PAN3: variants seen among roughly 807,000 people sequenced by gnomAD.
PAN3 encodes PAN2-PAN3 deadenylation complex subunit PAN3.
PAN3 carries 19 observed loss-of-function variants against 96.2 expected under a neutral mutation model. The observed-to-expected ratio is 0.20, with a 90% CI of 0.14 to 0.29. The LOEUF (loss-of-function observed/expected upper bound fraction) is 0.29. PAN3 is among the 10% of genes least tolerant of loss of function. The pLI, the probability that PAN3 is intolerant of heterozygous loss-of-function variation, is 1.00. For missense variants in PAN3, 882 were observed against 1,108.1 expected (o/e 0.80, Z 2.90); for synonymous variants, 433 against 406.6 (o/e 1.06, Z -0.78).
intron 6 of PAN3, among the ~76,000 whole-genome samples, chr13:28,253,672 C>T (rs1276161547): frequency 2.0e-5 from 3 of 150,268 alleles, no homozygotes; most frequent in African/African-American, 5.0e-5. Context: ...TGTTCATGGG[C>T]GCTTTGTGGC....
intron 1 of PAN3, among the ~76,000 whole-genome samples, chr13:28,141,003 C>CTTTTTTTT (rs979248659): frequency 0.016 from 1,806 of 112,690 alleles, 168 homozygotes; most frequent in African/African-American, 0.06. Flanking sequence ...GAAAGAGACA[C>CTTTTTTTT]TTTTTTTTTT....
intron 7 of PAN3, among the ~76,000 whole-genome samples, chr13:28,260,023 A>G (rs906201878): frequency 2.0e-5 from 3 of 152,324 alleles, no homozygotes; most frequent in East Asian, 1.9e-4. Flanking sequence ...TTATTTAAAG[A>G]TTTAAAATGT....
At chr13:28,165,154 C>G (rs1873372956) in intron 1 of PAN3, among the ~76,000 whole-genome samples, 1 of 152,206 alleles carries the variant, frequency 6.6e-6, no homozygotes, top group Admixed American at 6.5e-5. Context: ...GATCCTCCTG[C>G]CTTGGCCTCC....
chr13:28,266,962 T>TTCAA, intron 10 of PAN3, 86 bp downstream of exon 10: 1 of 1,290,578 alleles, frequency 7.7e-7, no homozygotes, highest in Non-Finnish European at 1.0e-6. Context: ...ATTTAATATA[T>TTCAA]GAATTAAAAA....
intron 6 of PAN3, among the ~76,000 whole-genome samples, chr13:28,233,673 G>C (rs940022456): frequency 1.3e-5 from 2 of 152,080 alleles, no homozygotes; most frequent in African/African-American, 4.8e-5. Flanking sequence ...TTTTGTGTTT[G>C]AACATTTATT....
At chr13:28,288,958 CTGGGA>C (rs1263676252) in intron 18 of PAN3, among the ~76,000 whole-genome samples, 1 of 151,226 alleles carries the variant, frequency 6.6e-6, no homozygotes. Context: ...TCCCAAGTAG[CTGGGA>C]CTACAGGCAC....
intron 4 of PAN3, among the ~76,000 whole-genome samples, chr13:28,196,343 G>A (rs567186811): frequency 3.9e-5 from 6 of 152,182 alleles, no homozygotes; most frequent in African/African-American, 1.4e-4. Flanking sequence ...ATGCAGTCTA[G>A]TGCAAATTTG....
intron 6 of PAN3, among the ~76,000 whole-genome samples, 190 bp downstream of exon 6, chr13:28,220,568 A>C (rs1404680483): frequency 6.6e-6 from 1 of 152,196 alleles, no homozygotes; most frequent in Non-Finnish European, 1.5e-5. Context: ...TTTAAATATG[A>C]ATGAAATTAC....
At chr13:28,192,358 G>A (rs896370632) in intron 4 of PAN3, among the ~76,000 whole-genome samples, 3 of 152,134 alleles carry the variant, frequency 2.0e-5, no homozygotes, top group East Asian at 3.9e-4. Context: ...GTGAGCCACC[G>A]TGCCTGGCCA....
intron 5 of PAN3, among the ~76,000 whole-genome samples, chr13:28,204,130 T>C (rs1879082011): frequency 6.6e-6 from 1 of 152,182 alleles, no homozygotes; most frequent in Admixed American, 6.5e-5. Flanking sequence ...TTTATATTTT[T>C]TTCATCATCT....
chr13:28,215,589 C>G, intron 5 of PAN3: 1 of 819,030 alleles, frequency 1.2e-6, no homozygotes, highest in Non-Finnish European at 2.0e-6. Context: ...TGCCCTTGTA[C>G]TGAATTGCCA....
intron 6 of PAN3, among the ~76,000 whole-genome samples, 179 bp from the exon 7 acceptor site, chr13:28,256,113 A>G (rs1248579230): frequency 6.6e-6 from 1 of 152,168 alleles, no homozygotes; most frequent in Non-Finnish European, 1.5e-5. Flanking sequence ...GAAACTTTAC[A>G]TTTGCTTTAA....
intron 5 of PAN3, among the ~76,000 whole-genome samples, chr13:28,200,410 T>G (rs1878557055): frequency 1.3e-5 from 2 of 152,210 alleles, no homozygotes; most frequent in South Asian, 4.1e-4. Flanking sequence ...TTTCTACTTC[T>G]GAAAACAAAG....
chr13:28,291,787 C>T lies in PAN3; in HGVS notation c.2524-595C>T, dbSNP rs1869781862. On this transcript the variant is annotated intron_variant, in intron 18 of 18. Coordinates refer to ENST00000380958, the MANE Select transcript of PAN3 (RefSeq NM_175854.8). ...CAGAGGTTGCAGTGAGCCAAGATTG[C>T]GCCATTGCACTCCACCCTGGGCAAC... 2.6e-5 allele frequency among the ~76,000 whole-genome samples: 4 copies of T among 152,082 alleles called. No individual in the cohort carries two copies. In the South Asian group the frequency reaches 8.3e-4, roughly 32 times the overall value.
At chr13:28,211,272 T>C (rs1002894931) in intron 5 of PAN3, among the ~76,000 whole-genome samples, 59 of 152,168 alleles carry the variant, frequency 3.9e-4, no homozygotes, top group Non-Finnish European at 1.5e-4. Flanking sequence ...CTGTCTTTCT[T>C]TCTCATTATT....
chr13:28,148,567 A>G (rs1870970478), intron 1 of PAN3, among the ~76,000 whole-genome samples: 1 of 152,248 alleles, frequency 6.6e-6, no homozygotes, highest in Non-Finnish European at 1.5e-5. Flanking sequence ...AAAAGAGTAC[A>G]TAGTGAAAAA....
intron 15 of PAN3, among the ~76,000 whole-genome samples, chr13:28,279,914 C>T (rs898860572): frequency 6.6e-6 from 1 of 151,784 alleles, no homozygotes; most frequent in Non-Finnish European, 1.5e-5. Flanking sequence ...ATTCTCCTGC[C>T]TCAGCCTCCT....
At chr13:28,234,349 G>GT (rs1346045937) in intron 6 of PAN3, among the ~76,000 whole-genome samples, 1 of 152,014 alleles carries the variant, frequency 6.6e-6, no homozygotes, top group African/African-American at 2.4e-5. Flanking sequence ...GCCTCCATAT[G>GT]TTAATAATTA....
intron 15 of PAN3, among the ~76,000 whole-genome samples, chr13:28,278,265 G>A (rs1331443835): frequency 6.6e-6 from 1 of 152,222 alleles, no homozygotes; most frequent in African/African-American, 2.4e-5. Context: ...TCCTACTTGT[G>A]ACAGCACTAG....
Sources: gnomAD v4.1 joint callset for allele counts (sites outside exome capture counted in the v4.1 genomes callset) on GRCh38, gnomAD v4.1.1 for gene constraint, MANE v1.5 for transcripts, NCBI Gene and HGNC (gene_info 2026-07-23, HGNC 2026-07-21) for gene names.